The following CDH13 variants were observed in gnomAD, a reference collection of about 807,000 sequenced individuals.
The protein encoded by CDH13 is cadherin-13.
A neutral mutation model predicts 63.8 loss-of-function variants in CDH13; 24 were observed. The ratio of observed to expected loss-of-function variants is 0.38; its 90% CI spans 0.27 to 0.53. The LOEUF (loss-of-function observed/expected upper bound fraction) is 0.53, where lower values mean the gene tolerates loss of function less well. CDH13 is among the 20% of genes least tolerant of loss of function. CDH13 has a pLI of 0.85. For missense variants in CDH13, 1,049 were observed against 903.1 expected, an observed-to-expected ratio of 1.16 and a Z score of -2.07; for synonymous variants, 503 against 355.3, an observed-to-expected ratio of 1.42 and a Z score of -4.67.
At chr16:82,971,960 G>A (rs1413184037) in intron 2 of CDH13, among the ~76,000 whole-genome samples, 1 of 152,152 alleles carries the variant, frequency 6.6e-6, no homozygotes, top group African/African-American at 2.4e-5. Context: ...GCTACTTGAG[G>A]CACTAACCCT....
chr16:82,888,674 C>T (rs2040976243), intron 2 of CDH13, among the ~76,000 whole-genome samples: 1 of 152,210 alleles, frequency 6.6e-6, no homozygotes, highest in African/African-American at 2.4e-5. Flanking sequence ...ATATGTGAAA[C>T]TCAAGTTTCT....
intron 6 of CDH13, among the ~76,000 whole-genome samples, chr16:83,363,656 G>A (rs2091205293): frequency 6.6e-6 from 1 of 152,212 alleles, no homozygotes; most frequent in Non-Finnish European, 1.5e-5. Flanking sequence ...GAATAGGCAT[G>A]TCAGTTTCCA....
intron 2 of CDH13, among the ~76,000 whole-genome samples, chr16:82,928,215 T>A (rs1320442180): frequency 6.6e-6 from 1 of 152,060 alleles, no homozygotes; most frequent in Non-Finnish European, 1.5e-5. Context: ...ACATAAGGCT[T>A]TTTGATGACT....
At chr16:83,576,287 T>C (rs1373872032) in intron 7 of CDH13, among the ~76,000 whole-genome samples, 1 of 152,246 alleles carries the variant, frequency 6.6e-6, no homozygotes, top group Non-Finnish European at 1.5e-5. Flanking sequence ...CTGGAGTTTT[T>C]CACTTAGCAT....
At chr16:83,505,606 G>T (rs913945129) in intron 7 of CDH13, among the ~76,000 whole-genome samples, 2 of 141,906 alleles carry the variant, frequency 1.4e-5, no homozygotes, top group Non-Finnish European at 3.0e-5. Context: ...TGCAATGGTG[G>T]AATCTCGGCT....
At chr16:83,569,048 A>T (rs539357187) in intron 7 of CDH13, among the ~76,000 whole-genome samples, 29 of 151,938 alleles carry the variant, frequency 1.9e-4, no homozygotes, top group African/African-American at 6.8e-4. Flanking sequence ...CTAGTCCCAA[A>T]CCACTGTCTG....
chr16:83,326,751 C>G (rs1477366660), intron 5 of CDH13, among the ~76,000 whole-genome samples: 1 of 152,114 alleles, frequency 6.6e-6, no homozygotes, highest in Non-Finnish European at 1.5e-5. Flanking sequence ...TCTGGGCTGG[C>G]CAGGACACTT....
At chr16:83,162,212 A>T (rs1026546098) in intron 4 of CDH13, among the ~76,000 whole-genome samples, 1 of 152,158 alleles carries the variant, frequency 6.6e-6, no homozygotes, top group African/African-American at 2.4e-5. Context: ...TCTTTTACAT[A>T]TGTGAGGACC....
At chr16:83,736,726 G>T (rs774011162) in intron 10 of CDH13, among the ~76,000 whole-genome samples, 1 of 152,202 alleles carries the variant, frequency 6.6e-6, no homozygotes, top group South Asian at 2.1e-4. Context: ...AAATGGACTA[G>T]CAAGCCCTGA....
intron 10 of CDH13, among the ~76,000 whole-genome samples, chr16:83,689,843 TG>T (rs1904670069): frequency 6.6e-6 from 1 of 152,168 alleles, no homozygotes; most frequent in Admixed American, 6.5e-5. Flanking sequence ...TGCAACATAC[TG>T]GGTGCTTTTC....
At chr16:83,557,807 C>T (rs565002479) in intron 7 of CDH13, among the ~76,000 whole-genome samples, 1 of 152,112 alleles carries the variant, frequency 6.6e-6, no homozygotes, top group Non-Finnish European at 1.5e-5. Flanking sequence ...TTCAGACTTC[C>T]CCAGCCACCT....
At chr16:83,009,713 C>T (rs6565100) in intron 2 of CDH13, among the ~76,000 whole-genome samples, 84,082 of 152,054 alleles carry the variant, frequency 0.55, 23,533 homozygotes, top group African/African-American at 0.64. Flanking sequence ...AATAAACCCA[C>T]TGAGTCATGT....
In CDH13 at chr16:83,395,508, T is replaced by A. The variant is rs535490394; in HGVS notation, c.781+50502T>A. ...CTTCTTCCAGCTACTAGGTTTGACC[T>A]CCTGGAGGCCAGGAGTGCAAGGTAC... is the stretch of plus-strand genomic sequence containing the variant. On this transcript the variant is annotated intron_variant, in intron 6 of 13. Coordinates refer to ENST00000567109, the MANE Select transcript of CDH13 (RefSeq NM_001257.5). Among the ~76,000 whole-genome samples the A allele has an allele frequency of 2.0e-5, 3 of 152,280 alleles. No homozygotes were observed. In the South Asian group the frequency reaches 6.2e-4, roughly 32 times the overall value.
At chr16:83,337,419 A>G (rs2090622557) in intron 5 of CDH13, among the ~76,000 whole-genome samples, 1 of 152,036 alleles carries the variant, frequency 6.6e-6, no homozygotes, top group South Asian at 2.1e-4. Context: ...TCCCATTCTC[A>G]GGACTCAGAA....
intron 1 of CDH13, among the ~76,000 whole-genome samples, chr16:82,649,112 C>T (rs2150904095): frequency 6.6e-6 from 1 of 152,320 alleles, no homozygotes; most frequent in South Asian, 2.1e-4. Flanking sequence ...CACCGGCTTT[C>T]TTTACATTTG....
intron 1 of CDH13, among the ~76,000 whole-genome samples, chr16:82,713,865 T>C (rs11643784): frequency 0.24 from 36,525 of 151,318 alleles, 4,607 homozygotes; most frequent in Non-Finnish European, 0.29. Context: ...AGGGCTATTG[T>C]AGGAATCCAG....
In CDH13 at chr16:83,383,709, T is replaced by A. The variant is rs531017538; in HGVS notation, c.781+38703T>A. 3.6e-4 allele frequency among the ~76,000 whole-genome samples: 55 copies of A among 152,322 alleles called. 1 individual carries two copies. The South Asian group carries it at 0.011, about 29-fold the overall frequency. On this transcript the variant is annotated intron_variant, in intron 6 of 13. Coordinates refer to ENST00000567109, the MANE Select transcript of CDH13 (RefSeq NM_001257.5). ...ATTTGGCCAGGGGGAGCCTGGGGCTTTTGATAATTCCTCATTTATTTTTAC... is the reference window on the plus strand; with the variant it reads ...ATTTGGCCAGGGGGAGCCTGGGGCTATTGATAATTCCTCATTTATTTTTAC...
intron 2 of CDH13, among the ~76,000 whole-genome samples, chr16:82,875,619 C>G (rs1234944759): frequency 6.6e-6 from 1 of 151,958 alleles, no homozygotes; most frequent in South Asian, 2.1e-4. Context: ...AGAAAAATGT[C>G]AAATATAGTT....
At chr16:83,508,586 C>A (rs532879899) in intron 7 of CDH13, among the ~76,000 whole-genome samples, 1 of 152,262 alleles carries the variant, frequency 6.6e-6, no homozygotes, top group Admixed American at 6.5e-5. Context: ...GATTACCATC[C>A]CTTCTTGACC....
Sources: gnomAD v4.1 joint callset for allele counts (sites outside exome capture counted in the v4.1 genomes callset) on GRCh38, gnomAD v4.1.1 for gene constraint, MANE v1.5 for transcripts, NCBI Gene and HGNC (gene_info 2026-07-23, HGNC 2026-07-21) for gene names.